Variants in HPSE observed in about 807,000 individuals in gnomAD.
The protein encoded by HPSE is endo-glucoronidase.
A neutral mutation model predicts 65.1 loss-of-function variants in HPSE; 48 were observed. That is an observed-to-expected ratio of 0.74 (90% confidence interval 0.58 to 0.94). The LOEUF is 0.94. HPSE is among the 40% of genes least tolerant of loss of function. The probability of loss-of-function intolerance (pLI) is 0.00; values close to 1 mark genes in which losing one functional copy is unlikely to be tolerated. For synonymous variants in HPSE, 243 were observed against 260.0 expected, an observed-to-expected ratio of 0.93 and a Z score of 0.63; for missense variants, 644 against 637.5, an observed-to-expected ratio of 1.01 and a Z score of -0.11.
chr4:83,305,088 G>A (rs1198499851), intron 9 of HPSE, among the ~76,000 whole-genome samples: 1 of 152,204 alleles, frequency 6.6e-6, no homozygotes, highest in Non-Finnish European at 1.5e-5. Flanking sequence ...GGATCTACAA[G>A]TGAGAAGGGT....
intron 1 of HPSE, among the ~76,000 whole-genome samples, chr4:83,324,761 G>T (rs964093440): frequency 2.6e-5 from 4 of 152,146 alleles, no homozygotes; most frequent in African/African-American, 9.7e-5. Context: ...TAAATTGTAG[G>T]GAGGGGAAAA....
chr4:83,327,765 GTTGGCAGTTTGGAA>G (rs1332902732), intron 1 of HPSE, among the ~76,000 whole-genome samples: 1 of 152,242 alleles, frequency 6.6e-6, no homozygotes, highest in Non-Finnish European at 1.5e-5. Flanking sequence ...TTGTTAAACT[GTTGGCAGTTTGGAA>G]TTGGCCATGG....
chr4:83,311,781 GAAAAAAAA>G (rs59143616), intron 4 of HPSE, among the ~76,000 whole-genome samples: 3 of 126,902 alleles, frequency 2.4e-5, no homozygotes, highest in African/African-American at 3.0e-5. Context: ...GATCTTGTCT[GAAAAAAAA>G]AAAAAAAAAA....
chr4:83,332,401 C>T (rs1737413253), intron 1 of HPSE, among the ~76,000 whole-genome samples: 1 of 152,222 alleles, frequency 6.6e-6, no homozygotes, highest in South Asian at 2.1e-4. Flanking sequence ...CTTGTCGATG[C>T]GTCTGGGGAG....
At chr4:83,319,512 G>A (rs201752638) in intron 2 of HPSE, 43 bp from the exon 3 acceptor site, 10 of 1,586,878 alleles carry the variant, frequency 6.3e-6, no homozygotes, top group Admixed American at 5.1e-5. Context: ...TTTTCACAGT[G>A]AGCAGACTGA....
chr4:83,295,393 G>A lies in HPSE; in HGVS notation c.1583C>T (p.Ser528Leu). The A allele has an allele frequency of 6.2e-7, 1 of 1,612,576 alleles. No homozygotes were observed. ...PGSSLGLPAF[S>L]YSFFVIRNAK... Reference sequence around the variant, plus strand: ...ATTTCTTATCACAAAAAAACTATATGAGAAAGCTGGCAAGCCCAGTGAACT... The same window carrying A: ...ATTTCTTATCACAAAAAAACTATATAAGAAAGCTGGCAAGCCCAGTGAACT... The change falls in exon 12 of 12, where the codon TCA becomes TTA. Residue 528 changes from serine (S) to leucine (L), a missense_variant. Physicochemically the swap from Ser to Leu is moderately radical, Grantham distance 145. Transcript: ENST00000311412.
chr4:83,313,992 C>T (rs911862169), intron 3 of HPSE, among the ~76,000 whole-genome samples: 5 of 152,188 alleles, frequency 3.3e-5, no homozygotes, highest in Non-Finnish European at 1.5e-5. Context: ...GTGGCTCATG[C>T]CTGTCATCCT....
intron 3 of HPSE, among the ~76,000 whole-genome samples, chr4:83,315,253 GTGTCACCCACTTCCATAAAC>G (rs1488942598): frequency 1.4e-4 from 22 of 152,200 alleles, no homozygotes; most frequent in Admixed American, 9.8e-4. Flanking sequence ...GATATTTGCT[GTGTCACCCACTTCCATAAAC>G]TGCTGCCTAC....
In HPSE at chr4:83,316,175, C is replaced by T. The variant is rs185191556; in HGVS notation, c.500-2888G>A. Among the ~76,000 whole-genome samples, 203 of 151,998 alleles carry T rather than the reference C, an allele frequency of 1.3e-3. 1 individual carries two copies. Among genetic ancestry groups the T allele is most frequent in the African/African-American group, 4.6e-3 (189 of 41,468 alleles). On this transcript the variant is annotated intron_variant, in intron 3 of 11. Coordinates refer to ENST00000311412, the MANE Select transcript of HPSE (RefSeq NM_001098540.3). Reference sequence around the variant, plus strand: ...TGCAGTAGCTGGGACTACAGGTGGACGCCACCAAGCCCGGCTAGTTTTTGT... The same window carrying T: ...TGCAGTAGCTGGGACTACAGGTGGATGCCACCAAGCCCGGCTAGTTTTTGT...
Position 83,334,540 on chromosome 4 carries a change from G to A in HPSE, c.227+16C>T, listed in dbSNP as rs1222243844. ...GAGGACAGGAAAGGGGACAGGACCA[G>A]GAGGCTGGCGCTTACCCCAGGAGGA... On this transcript the variant is annotated intron_variant, in intron 1 of 11. Coordinates refer to ENST00000311412, the MANE Select transcript of HPSE (RefSeq NM_001098540.3). 6.4e-7 allele frequency: 1 copy of A among 1,563,428 alleles called. No homozygotes were observed. Among genetic ancestry groups the A allele is most frequent in the South Asian group, 1.2e-5 (1 of 84,912 alleles).
intron 1 of HPSE, among the ~76,000 whole-genome samples, chr4:83,333,314 G>C (rs1178985626): frequency 6.6e-6 from 1 of 152,186 alleles, no homozygotes; most frequent in Admixed American, 6.5e-5. Context: ...TACAGCTGAA[G>C]AAATCAAGGT....
At position 83,326,873 on chromosome 4, in the gene HPSE, G is replaced by A. The variant is rs945699082; in HGVS notation, c.228-4509C>T. 6.6e-6 allele frequency among the ~76,000 whole-genome samples: 1 copy of A among 152,200 alleles called. No individual in the cohort carries two copies. Among genetic ancestry groups the A allele is most frequent in the African/African-American group, 2.4e-5 (1 of 41,442 alleles). The stretch of plus-strand genomic sequence containing the variant: ...TGGGCAAGAGACTGGGAAGTGGGAG[G>A]AAACGAGCACCTGGAAAAGTTGCTG... On this transcript the variant is annotated intron_variant, in intron 1 of 11. Coordinates refer to ENST00000311412, the MANE Select transcript of HPSE (RefSeq NM_001098540.3). The surrounding 1 kb of genome is among the most constrained non-coding windows in gnomAD (Gnocchi z 4.2).
At chr4:83,303,560 A>AT (rs1736041133) in intron 9 of HPSE, among the ~76,000 whole-genome samples, 1 of 152,104 alleles carries the variant, frequency 6.6e-6, no homozygotes, top group Admixed American at 6.6e-5. Context: ...TAAAATATGT[A>AT]TTTTTTTGAG....
intron 3 of HPSE, among the ~76,000 whole-genome samples, chr4:83,313,854 G>A (rs1736518943): frequency 6.6e-6 from 1 of 152,166 alleles, no homozygotes; most frequent in Non-Finnish European, 1.5e-5. Context: ...CATGGGTACA[G>A]CTACAGGATT....
chr4:83,331,011 C>A (rs1311241850), intron 1 of HPSE, among the ~76,000 whole-genome samples: 1 of 152,150 alleles, frequency 6.6e-6, no homozygotes, highest in Non-Finnish European at 1.5e-5. Context: ...TTGAGATTAG[C>A]CTGGCCAACA....
At position 83,313,160 on chromosome 4, in the gene HPSE, G is replaced by C. The variant is rs773895323; in HGVS notation, c.627C>G (p.Asp209Glu). 6.2e-7 allele frequency: 1 copy of C among 1,613,874 alleles called. No individual in the cohort carries two copies. The highest frequency in any genetic ancestry group is 8.5e-7 in the Non-Finnish European group (1 of 1,179,784). ...TGTTATACCCCTTGGAAGAGCAGTA[G>C]TCCAGGAGCAACTGAGCATTAGAAC... ...WNSSNAQLLL[D>E]YCSSKGYNIS... is the part of the protein sequence containing the mutation. The change falls in exon 4 of 12, where the codon GAC (aspartate) becomes GAG (glutamate). Residue 209 changes from aspartate (D) to glutamate (E), a missense_variant. Asp to Glu is a conservative substitution (Grantham distance 45). Coordinates refer to ENST00000311412, the MANE Select transcript of HPSE (RefSeq NM_001098540.3).
At chr4:83,296,461 G>A (rs1735725096) in intron 11 of HPSE, among the ~76,000 whole-genome samples, 1 of 152,052 alleles carries the variant, frequency 6.6e-6, no homozygotes, top group Non-Finnish European at 1.5e-5. Flanking sequence ...ATCACTTGAG[G>A]CCAGGAGTTC....
At chr4:83,334,378 G>C (rs750769953) in intron 1 of HPSE, among the ~76,000 whole-genome samples, 178 bp downstream of exon 1, 1 of 152,128 alleles carries the variant, frequency 6.6e-6, no homozygotes, top group Admixed American at 6.5e-5. Context: ...AGCAGTTTGG[G>C]GTCTGAGAGT....
intron 11 of HPSE, among the ~76,000 whole-genome samples, chr4:83,297,214 T>C (rs533671858): frequency 1.3e-5 from 2 of 152,282 alleles, no homozygotes; most frequent in Admixed American, 1.3e-4. Context: ...CCTAGATACA[T>C]AGTAGGCTAG....
Sources: allele counts gnomAD v4.1 joint callset (sites outside exome capture counted in the v4.1 genomes callset), GRCh38; gene constraint gnomAD v4.1.1; non-coding constraint Gnocchi (gnomAD v3.1); transcripts MANE v1.5; gene names NCBI Gene and HGNC (gene_info 2026-07-23, HGNC 2026-07-21).